Variants in DYNC1H1 observed in about 807,000 individuals in gnomAD.
The protein encoded by DYNC1H1 is cytoplasmic dynein 1 heavy chain 1.
Under a neutral mutation model 527.1 loss-of-function variants are expected in DYNC1H1, and 51 were observed. That is an observed-to-expected ratio of 0.10 (90% CI 0.08 to 0.12). The LOEUF is 0.12. Among genes scored for constraint, DYNC1H1 ranks in the 10% least tolerant of loss-of-function variants. The pLI, the probability that DYNC1H1 is intolerant of heterozygous loss-of-function variation, is 1.00. For synonymous variants in DYNC1H1, 2,189 were observed against 2,278.8 expected, an observed-to-expected ratio of 0.96 and a Z score of 1.12; for missense variants, 2,771 against 5,971.8, an observed-to-expected ratio of 0.46 and a Z score of 17.66.
At position 102,042,109 on chromosome 14, in the gene DYNC1H1, A is replaced by T; in HGVS notation, c.12199A>T (p.Thr4067Ser). ...TGCAGCCGAGCAGAACACGCAGATC[A>T]CTTCAATTGCAATCGGTAAGGATGC... ...DLAAEQNTQITSIAIGSAEGF... is the reference protein window; with the variant it reads ...DLAAEQNTQISSIAIGSAEGF... Residue 4067 changes from threonine (T) to serine (S), a missense_variant, in exon 66 of 78, where the codon ACT becomes TCT. Around this residue, in one of 32 missense-constraint regions of DYNC1H1, gnomAD observed 195 missense variants for 428.6 expected, o/e 0.45. Transcript: ENST00000360184. This position sits in a 1 kb window ranked among gnomAD's most constrained non-coding sequence, Gnocchi z 5.7. 6.2e-7 allele frequency: 1 copy of T among 1,614,116 alleles called. No homozygotes were observed. The highest frequency in any genetic ancestry group is 8.5e-7 in the Non-Finnish European group (1 of 1,180,030).
Position 101,979,442 on chromosome 14 carries a change from A to C in DYNC1H1, c.468A>C (p.Ala156=). 6.2e-7 allele frequency: 1 copy of C among 1,614,216 alleles called. No individual in the cohort carries two copies. The highest frequency in any genetic ancestry group is 2.2e-5 in the East Asian group (1 of 44,888). ...YETLHSFISN[A]VAPFFKSYIR... Reference sequence around the variant, plus strand: ...CTTTGCATTCTTTCATTAGCAATGCAGTGGCTCCTTTTTTTAAGTCCTACA... The same window carrying C: ...CTTTGCATTCTTTCATTAGCAATGCCGTGGCTCCTTTTTTTAAGTCCTACA... The change falls in exon 3 of 78, where the codon GCA becomes GCC. Residue 156 remains alanine, a synonymous_variant. Coordinates refer to ENST00000360184, the MANE Select transcript of DYNC1H1 (RefSeq NM_001376.5). This position sits in a 1 kb window ranked among gnomAD's most constrained non-coding sequence, Gnocchi z 4.6.
Position 101,986,326 on chromosome 14 carries a change from G to T in DYNC1H1, c.2101G>T (p.Asp701Tyr). The change falls in exon 8 of 78, where the codon GAC becomes TAC. Residue 701 changes from aspartate to tyrosine, a missense_variant. This residue lies in a region of DYNC1H1 where 264 missense variants were observed against 619.4 expected (regional missense o/e 0.43). Coordinates refer to ENST00000360184, the MANE Select transcript of DYNC1H1 (RefSeq NM_001376.5). This position sits in a 1 kb window ranked among gnomAD's most constrained non-coding sequence, Gnocchi z 8.7. ...GCTCAACACGCAGGAGATCTTTGAT[G>T]ACTGGGCAAGGAAGGTGCAGCAGCG... is the stretch of plus-strand genomic sequence containing the variant. ...MKLNTQEIFDDWARKVQQRNL... is the reference protein window; with the variant it reads ...MKLNTQEIFDYWARKVQQRNL... 1.2e-6 allele frequency: 2 copies of T among 1,614,066 alleles called. No individual in the cohort carries two copies. Among genetic ancestry groups the T allele is most frequent in the South Asian group, 2.2e-5 (2 of 91,046 alleles).
chr14:102,001,509 C>A lies in DYNC1H1; in HGVS notation c.4396-26C>A, dbSNP rs540739395. On this transcript the variant is annotated intron_variant, in intron 20 of 77. Coordinates refer to ENST00000360184, the MANE Select transcript of DYNC1H1 (RefSeq NM_001376.5). The surrounding 1 kb of genome is among the most constrained non-coding windows in gnomAD (Gnocchi z 5.0). ...GTAGTGAATGCCCACATATTGATAA[C>A]ATGCATCTTTCTGGTTTGAATTCAG... The A allele has an allele frequency of 2.3e-5, 37 of 1,614,104 alleles. No individual in the cohort carries two copies. In the African/African-American group the frequency reaches 4.7e-4, roughly 20 times the overall value.
At chr14:102,026,531 C>G in intron 43 of DYNC1H1, 43 bp from the exon 44 acceptor site, 3 of 1,611,562 alleles carry the variant, frequency 1.9e-6, no homozygotes, top group Non-Finnish European at 2.5e-6. Flanking sequence ...TAATAACTAA[C>G]ATTTTTTTCT....
chr14:102,034,877 GATCACGC>G, intron 56 of DYNC1H1: 1 of 294,742 alleles, frequency 3.4e-6, no homozygotes, highest in South Asian at 3.3e-5. Flanking sequence ...GGTGAGCCGA[GATCACGC>G]CACTGCACCC....
chr14:102,038,564 G>T lies in DYNC1H1; in HGVS notation c.11013G>T (p.Leu3671=). ...CTCTCGGGGACCAGGACATAGACCT[G>T]TCGCCATCGTTTGTCATCTTCCTGT... The part of the protein sequence containing the change: ...LITLGDQDID[L]SPSFVIFLST... The change falls in exon 58 of 78, where the codon CTG becomes CTT. Residue 3671 remains leucine (L), a synonymous_variant. Transcript: ENST00000360184. The surrounding 1 kb of genome is among the most constrained non-coding windows in gnomAD (Gnocchi z 7.2). 6.2e-7 allele frequency: 1 copy of T among 1,614,172 alleles called. No individual in the cohort carries two copies. The highest frequency in any genetic ancestry group is 1.3e-5 in the African/African-American group (1 of 75,052).
chr14:102,005,878 C>A lies in DYNC1H1; in HGVS notation c.5434-10C>A. 6.2e-7 allele frequency: 1 copy of A among 1,613,940 alleles called. No homozygotes were observed. Among genetic ancestry groups the A allele is most frequent in the Non-Finnish European group, 8.5e-7 (1 of 1,179,986 alleles). On this transcript the variant is annotated splice_polypyrimidine_tract_variant and intron_variant, in intron 26 of 77. Transcript: ENST00000360184. This position sits in a 1 kb window ranked among gnomAD's most constrained non-coding sequence, Gnocchi z 4.0. Reference sequence around the variant, plus strand: ...GTAGATGAACTTTTAAAGTGACTCTCTTTCTTCAGATTACAGAGTTGGTTC... The same window carrying A: ...GTAGATGAACTTTTAAAGTGACTCTATTTCTTCAGATTACAGAGTTGGTTC...
chr14:102,003,082 G>T, intron 23 of DYNC1H1, 117 bp downstream of exon 23: 1 of 1,354,472 alleles, frequency 7.4e-7, no homozygotes, highest in South Asian at 1.2e-5. Flanking sequence ...CAAGGATTTT[G>T]TTAGCCAATA....
At chr14:101,999,222 G>C (rs1315344844) in intron 16 of DYNC1H1, among the ~76,000 whole-genome samples, 1 of 152,042 alleles carries the variant, frequency 6.6e-6, no homozygotes, top group Non-Finnish European at 1.5e-5. Context: ...TGTCGCCCAG[G>C]CTGGAGTGCA....
chr14:101,968,004 T>G (rs1180687171), intron 1 of DYNC1H1, among the ~76,000 whole-genome samples: 1 of 152,232 alleles, frequency 6.6e-6, no homozygotes, highest in East Asian at 1.9e-4. Context: ...GTCTTCCTCA[T>G]AGTATGCTTA....
In DYNC1H1 at chr14:102,032,799, A is replaced by T. The variant is rs1429665778; in HGVS notation, c.10080-266A>T. 5 of 561,958 alleles carry T rather than the reference A, an allele frequency of 8.9e-6. No homozygotes were observed. The East Asian group carries it at 1.6e-4, about 18-fold the overall frequency. 34.8% of individuals were successfully genotyped at this position (561,958 alleles called of 1,614,324 possible). ...ACCCAGGGGATCAAGGCTTCAGTGAACCGAGATCACACCACCGCACTCCAG... is the reference window on the plus strand; with the variant it reads ...ACCCAGGGGATCAAGGCTTCAGTGATCCGAGATCACACCACCGCACTCCAG... On this transcript the variant is annotated intron_variant, in intron 52 of 77. Coordinates refer to ENST00000360184, the MANE Select transcript of DYNC1H1 (RefSeq NM_001376.5).
At chr14:101,989,004 C>A in intron 10 of DYNC1H1, 152 bp downstream of exon 10, 1 of 1,076,422 alleles carries the variant, frequency 9.3e-7, no homozygotes, top group South Asian at 1.4e-5. Flanking sequence ...TGGCGATGTG[C>A]AGGTGTCATG....
In DYNC1H1 at chr14:102,034,648, T is replaced by C. The variant is rs2048550753; in HGVS notation, c.10754+196T>C. 1.0e-5 allele frequency: 9 copies of C among 899,048 alleles called. No individual in the cohort carries two copies. The Admixed American group carries it at 1.9e-4, about 19-fold the overall frequency. The allele number at this position is 899,048 out of a possible 1,614,324, so 55.7% of individuals were successfully genotyped here. On this transcript the variant is annotated intron_variant, in intron 56 of 77. Transcript: ENST00000360184. ...GTCAAGTGTCTGAGTTATTCTGCAG[T>C]GAATGCTTCTTGTAACCTTCTAAAA...
In DYNC1H1 at chr14:102,036,561, C is replaced by G. The variant is rs1223641618; in HGVS notation, c.10827C>G (p.Ile3609Met). 1 of 1,614,130 alleles carries G rather than the reference C, an allele frequency of 6.2e-7. No individual in the cohort carries two copies. The highest frequency in any genetic ancestry group is 2.2e-5 in the East Asian group (1 of 44,882). ...FIMNEYKDRK[I>M]TRTSFLDDAF... ...TGAATGAATATAAGGATCGTAAGAT[C>G]ACACGGACCAGCTTCCTGGATGACG... is the stretch of plus-strand genomic sequence containing the variant. The change falls in exon 57 of 78, where the codon ATC becomes ATG. Residue 3609 changes from isoleucine (I) to methionine (M), a missense_variant. Around this residue, in one of 32 missense-constraint regions of DYNC1H1, gnomAD observed 283 missense variants for 737.6 expected, o/e 0.38. Transcript: ENST00000360184. The surrounding 1 kb of genome is among the most constrained non-coding windows in gnomAD (Gnocchi z 5.6).
chr14:102,017,735 G>A lies in DYNC1H1; in HGVS notation c.8177+231G>A, dbSNP rs371728139. 69 of 675,432 alleles carry A rather than the reference G, an allele frequency of 1.0e-4. 2 individuals carry two copies. The Middle Eastern group carries it at 1.3e-3, about 13-fold the overall frequency. 41.8% of individuals were successfully genotyped at this position (675,432 alleles called of 1,614,324 possible). On this transcript the variant is annotated intron_variant, in intron 40 of 77. Coordinates refer to ENST00000360184, the MANE Select transcript of DYNC1H1 (RefSeq NM_001376.5). The surrounding 1 kb of genome is among the most constrained non-coding windows in gnomAD (Gnocchi z 4.6). ...TAATCCCAGCACTTTGGGAGGCCGA[G>A]GCGGGCGGATCACGAGGTCAGGAGA...
In DYNC1H1 at chr14:102,012,589, G is replaced by A; in HGVS notation, c.7014+119G>A. 1 of 1,391,984 alleles carries A rather than the reference G, an allele frequency of 7.2e-7. No homozygotes were observed. Among genetic ancestry groups the A allele is most frequent in the Non-Finnish European group, 1.0e-6 (1 of 988,084 alleles). 86.2% of individuals were successfully genotyped at this position (1,391,984 alleles called of 1,614,324 possible). On this transcript the variant is annotated intron_variant, in intron 34 of 77. Coordinates refer to ENST00000360184, the MANE Select transcript of DYNC1H1 (RefSeq NM_001376.5). The surrounding 1 kb of genome is among the most constrained non-coding windows in gnomAD (Gnocchi z 4.9). ...CAGATTCCATGGAGTAGTGATCATT[G>A]TGTAAGTAATTTTCAAAGATAGCAT...
intron 13 of DYNC1H1, 32 bp from the exon 14 acceptor site, chr14:101,994,954 T>A: frequency 1.2e-6 from 2 of 1,613,372 alleles, no homozygotes; most frequent in Non-Finnish European, 8.5e-7. Flanking sequence ...AGGAAAGAGC[T>A]GATGATGTGT....
chr14:101,994,350 A>G, intron 12 of DYNC1H1, 26 bp downstream of exon 12: 2 of 1,614,118 alleles, frequency 1.2e-6, no homozygotes, highest in Middle Eastern at 1.7e-4. Context: ...TTTCATTCAA[A>G]TGTGCATATG....
rs753320303 is a variant in DYNC1H1 at position 102,030,206 on chromosome 14, G to A, written c.9807G>A (p.Glu3269=). 6 of 1,614,140 alleles carry A rather than the reference G, an allele frequency of 3.7e-6. No homozygotes were observed. Among genetic ancestry groups the A allele is most frequent in the Non-Finnish European group, 1.7e-6 (2 of 1,180,010 alleles). The change falls in exon 51 of 78, where the codon GAG becomes GAA. Residue 3269 remains glutamate, a synonymous_variant. Transcript: ENST00000360184. ...EIQEQLHKQQ[E]VIADKQMSVK... ...AGGAACAGCTGCATAAGCAGCAGGA[G>A]GTAATTGCAGACAAACAGATGAGTG...
Sources: gnomAD v4.1 joint callset for allele counts (sites outside exome capture counted in the v4.1 genomes callset) on GRCh38, gnomAD v4.1.1 for gene constraint, gnomAD v4.1.1 regional missense constraint, Gnocchi (gnomAD v3.1) non-coding constraint, MANE v1.5 for transcripts, NCBI Gene and HGNC (gene_info 2026-07-23, HGNC 2026-07-21) for gene names.